The following SLC23A2 variants were observed in gnomAD, a reference collection of about 807,000 sequenced individuals.
The protein encoded by SLC23A2 is solute carrier family 23 member 2.
A neutral mutation model predicts 73.3 loss-of-function variants in SLC23A2; 36 were observed. That is an observed-to-expected ratio of 0.49 (90% confidence interval 0.38 to 0.65). The LOEUF (loss-of-function observed/expected upper bound fraction) is 0.65, where lower values mean the gene tolerates loss of function less well. Among genes scored for constraint, SLC23A2 ranks in the 30% least tolerant of loss-of-function variants. The pLI is 0.00. For missense variants in SLC23A2, 507 were observed against 841.6 expected, an observed-to-expected ratio of 0.60 and a Z score of 4.92; for synonymous variants, 343 against 327.3, an observed-to-expected ratio of 1.05 and a Z score of -0.52.
chr20:4,909,704 T>C (rs1434530747), intron 4 of SLC23A2, among the ~76,000 whole-genome samples: 1 of 152,032 alleles, frequency 6.6e-6, no homozygotes, highest in African/African-American at 2.4e-5. Context: ...CAGGCGAATG[T>C]CATGAAGCCC....
intron 2 of SLC23A2, among the ~76,000 whole-genome samples, chr20:4,949,457 A>G (rs1338307664): frequency 6.6e-6 from 1 of 152,162 alleles, no homozygotes; most frequent in Admixed American, 6.5e-5. Context: ...CTCGCTGCAG[A>G]TGAAGTTTTT....
upstream of SLC23A2, among the ~76,000 whole-genome samples, chr20:5,004,634 C>G (rs2088169587): frequency 6.6e-6 from 1 of 152,084 alleles, no homozygotes. Flanking sequence ...TCGCCTTTGC[C>G]AGGAGTTTGA....
upstream of SLC23A2, among the ~76,000 whole-genome samples, chr20:5,004,088 C>A (rs1300308216): frequency 1.3e-5 from 2 of 152,050 alleles, no homozygotes. Context: ...GCCATCTCCT[C>A]GTGGTTCCCA....
At chr20:4,981,999 CCT>C (rs1310931545) in intron 1 of SLC23A2, among the ~76,000 whole-genome samples, 51 of 126,642 alleles carry the variant, frequency 4.0e-4, no homozygotes, top group African/African-American at 1.3e-3. Context: ...CCGTGCCCAG[CCT>C]CTTTCTTTTT....
intron 1 of SLC23A2, among the ~76,000 whole-genome samples, chr20:4,974,480 A>T (rs552319687): frequency 2.1e-4 from 31 of 150,978 alleles, no homozygotes; most frequent in South Asian, 4.3e-4. Context: ...AAAATAAAAA[A>T]AATAATAATA....
At chr20:4,966,809 T>TACACAC (rs56931121) in intron 2 of SLC23A2, among the ~76,000 whole-genome samples, 1,385 of 109,748 alleles carry the variant, frequency 0.013, 15 homozygotes, top group South Asian at 0.026. Context: ...TTGATAGTTT[T>TACACAC]ACACACACAC....
At chr20:4,950,945 C>T (rs78141636) in intron 2 of SLC23A2, among the ~76,000 whole-genome samples, 2,469 of 152,272 alleles carry the variant, frequency 0.016, 67 homozygotes, top group African/African-American at 0.056. Flanking sequence ...CCAGAAGTGA[C>T]ACCTTAGCAG....
In SLC23A2 at chr20:4,902,515, G is replaced by A. The variant is rs1420853876; in HGVS notation, c.251C>T (p.Pro84Leu). The change falls in exon 5 of 17, where the codon CCC becomes CTC. Residue 84 changes from proline to leucine, a missense_variant. By Grantham distance (98) the Pro-to-Leu change is moderately conservative (BLOSUM62 -3). Transcript: ENST00000338244. This position sits in a 1 kb window ranked among gnomAD's most constrained non-coding sequence, Gnocchi z 4.0. ...GGTATAAATCATGTCTGATCGCTGG[G>A]GGTCCAGACTGCCAGTGCTATCCAG... ...ETLDSTGSLD[P>L]QRSDMIYTIE... 1 of 1,612,970 alleles carries A rather than the reference G, an allele frequency of 6.2e-7. No individual in the cohort carries two copies. The highest frequency in any genetic ancestry group is 8.5e-7 in the Non-Finnish European group (1 of 1,179,404).
chr20:4,985,694 C>G (rs185969852), intron 1 of SLC23A2, among the ~76,000 whole-genome samples: 1 of 152,176 alleles, frequency 6.6e-6, no homozygotes, highest in African/African-American at 2.4e-5. Context: ...GTGATCCCCC[C>G]ACCTTGGCTT....
At chr20:4,905,356 A>G (rs952832820) in intron 4 of SLC23A2, among the ~76,000 whole-genome samples, 5 of 152,146 alleles carry the variant, frequency 3.3e-5, no homozygotes, top group African/African-American at 1.2e-4. Flanking sequence ...CCCCCTCCTG[A>G]TGACAGAAGG....
At chr20:4,925,627 C>T (rs1341889213) in intron 3 of SLC23A2, among the ~76,000 whole-genome samples, 1 of 152,002 alleles carries the variant, frequency 6.6e-6, no homozygotes, top group East Asian at 1.9e-4. Flanking sequence ...CCCTTCCTGC[C>T]CCGGCACCCA....
intron 3 of SLC23A2, among the ~76,000 whole-genome samples, chr20:4,926,195 T>A (rs939258): frequency 0.15 from 23,089 of 152,208 alleles, 2,226 homozygotes; most frequent in African/African-American, 0.26. Flanking sequence ...CGTCGGTCCA[T>A]GCCGCTAATA....
chr20:4,912,543 T>A (rs915979067), intron 4 of SLC23A2, among the ~76,000 whole-genome samples: 1 of 151,960 alleles, frequency 6.6e-6, no homozygotes, highest in Non-Finnish European at 1.5e-5. Flanking sequence ...TGACTCATAT[T>A]TGCACCCAGA....
At chr20:4,907,930 A>G (rs1932014817) in intron 4 of SLC23A2, among the ~76,000 whole-genome samples, 1 of 152,090 alleles carries the variant, frequency 6.6e-6, no homozygotes, top group South Asian at 2.1e-4. Context: ...ATTTGGCCAG[A>G]TGGAAAGGAA....
chr20:4,937,011 C>T (rs188572015), intron 2 of SLC23A2, among the ~76,000 whole-genome samples: 2 of 151,964 alleles, frequency 1.3e-5, no homozygotes, highest in African/African-American at 2.4e-5. Context: ...GGAGGAAGAA[C>T]GAAGAAGGGG....
At chr20:5,004,487 T>A (rs140355586), upstream of SLC23A2, among the ~76,000 whole-genome samples, 593 of 152,282 alleles carry the variant, frequency 3.9e-3, 4 homozygotes, top group African/African-American at 0.013. Flanking sequence ...CTTGTTATCA[T>A]CCCAGAGCAC....
intron 1 of SLC23A2, among the ~76,000 whole-genome samples, chr20:4,979,881 A>G (rs926071976): frequency 6.6e-6 from 1 of 152,208 alleles, no homozygotes; most frequent in Non-Finnish European, 1.5e-5. Context: ...AAATGGGGAA[A>G]ATATGTATAA....
In SLC23A2 at chr20:4,854,586, C is replaced by G. The variant is rs1763676444; in HGVS notation, c.*2386G>C. On this transcript the variant is annotated 3_prime_UTR_variant, in exon 17 of 17. Coordinates refer to ENST00000338244, the MANE Select transcript of SLC23A2 (RefSeq NM_005116.6). ...TGGGTTGGCCACAGTGGAATCAGAACAGGAAACTCTCACTCCAACAGGAGT... is the reference window on the plus strand; with the variant it reads ...TGGGTTGGCCACAGTGGAATCAGAAGAGGAAACTCTCACTCCAACAGGAGT... 1 of 152,216 alleles carries G rather than the reference C, an allele frequency of 6.6e-6. No homozygotes were observed. The highest frequency in any genetic ancestry group is 1.5e-5 in the Non-Finnish European group (1 of 68,076). 9.4% of individuals were successfully genotyped at this position (152,216 alleles called of 1,614,324 possible). A position where few individuals can be genotyped will look rare whatever the true frequency, so the allele number is the denominator to read the frequency against.
intron 1 of SLC23A2, among the ~76,000 whole-genome samples, chr20:4,987,612 G>C (rs1011216011): frequency 1.3e-5 from 2 of 152,166 alleles, no homozygotes; most frequent in South Asian, 2.1e-4. Flanking sequence ...ACTTTGGAAG[G>C]CCGAGGTGGG....
Sources: gnomAD v4.1 joint callset for allele counts (sites outside exome capture counted in the v4.1 genomes callset) on GRCh38, gnomAD v4.1.1 for gene constraint, Gnocchi (gnomAD v3.1) non-coding constraint, MANE v1.5 for transcripts, NCBI Gene and HGNC (gene_info 2026-07-23, HGNC 2026-07-21) for gene names.